Variants in CSMD2 observed in about 807,000 individuals in gnomAD.
CSMD2 encodes the protein CUB and Sushi multiple domains 2, also known as CUB and sushi domain-containing protein 2.
A neutral mutation model predicts 398.5 loss-of-function variants in CSMD2; 130 were observed. The ratio of observed to expected loss-of-function variants is 0.33; its 90% CI spans 0.28 to 0.38. CSMD2 has a LOEUF of 0.38. Among genes scored for constraint, CSMD2 ranks in the 10% least tolerant of loss-of-function variants. The probability of loss-of-function intolerance (pLI) is 1.00; values close to 1 mark genes in which losing one functional copy is unlikely to be tolerated. For missense variants in CSMD2, 3,829 were observed against 4,764.9 expected (o/e 0.80, Z 5.78); for synonymous variants, 1,828 against 1,908.5 (o/e 0.96, Z 1.10).
At chr1:33,742,891 G>C (rs1053155792) in intron 14 of CSMD2, among the ~76,000 whole-genome samples, 1 of 152,198 alleles carries the variant, frequency 6.6e-6, no homozygotes, top group African/African-American at 2.4e-5. Context: ...GGATTTCGGA[G>C]AGCACCTCAG....
Position 34,034,914 on chromosome 1 carries a change from C to T in CSMD2, c.405-2208G>A, listed in dbSNP as rs117433202. Reference sequence around the variant, plus strand: ...AAGTTCTTACAAATCAGTAAGAAAACGGTAAACAGGAGGAAAAGAGCAAAA... The same window carrying T: ...AAGTTCTTACAAATCAGTAAGAAAATGGTAAACAGGAGGAAAAGAGCAAAA... On this transcript the variant is annotated intron_variant, in intron 2 of 70. Transcript: ENST00000373381. 7.4e-4 allele frequency among the ~76,000 whole-genome samples: 113 copies of T among 152,092 alleles called. No homozygotes were observed. In the East Asian group the frequency reaches 0.013, roughly 18 times the overall value.
At chr1:34,122,654 A>C (rs1662313889) in intron 1 of CSMD2, among the ~76,000 whole-genome samples, 1 of 152,108 alleles carries the variant, frequency 6.6e-6, no homozygotes, top group Admixed American at 6.5e-5. Context: ...ATTTTCATAG[A>C]GCCTCCTCCC....
At chr1:33,877,387 G>A (rs543483200) in intron 5 of CSMD2, among the ~76,000 whole-genome samples, 3 of 152,198 alleles carry the variant, frequency 2.0e-5, no homozygotes, top group South Asian at 4.2e-4. Context: ...CCCCCTTGTC[G>A]CACTGGGGGA....
chr1:34,008,857 A>G (rs1647148797), intron 3 of CSMD2, among the ~76,000 whole-genome samples: 1 of 152,170 alleles, frequency 6.6e-6, no homozygotes, highest in African/African-American at 2.4e-5. Context: ...CAGTGGGTGC[A>G]CCATAACTAT....
Position 33,743,455 on chromosome 1 carries a change from C to T in CSMD2, c.1998G>A (p.Glu666=), listed in dbSNP as rs1033301671. ...IHLAFNDIDV[E]PQFDFLVIKD... ...TGATGACCAGGAAATCAAACTGAGG[C>T]TCCACGTCAATGTCGTTGAAGGCCA... Residue 666 remains glutamate (E), a synonymous_variant, in exon 14 of 71, where the codon GAG becomes GAA. Coordinates refer to ENST00000373381, the MANE Select transcript of CSMD2 (RefSeq NM_001281956.2). The T allele has an allele frequency of 2.5e-6, 4 of 1,614,072 alleles. No homozygotes were observed. The highest frequency in any genetic ancestry group is 3.4e-6 in the Non-Finnish European group (4 of 1,180,054).
intron 25 of CSMD2, among the ~76,000 whole-genome samples, chr1:33,689,066 GGGAAAGAAGGA>G (rs971684761): frequency 1.0e-4 from 15 of 146,522 alleles, no homozygotes; most frequent in Admixed American, 2.7e-4. Context: ...GAGAGGGAGT[GGGAAAGAAGGA>G]GGGAAGGAGA....
intron 2 of CSMD2, among the ~76,000 whole-genome samples, chr1:34,040,835 T>G (rs1307686719): frequency 6.6e-6 from 1 of 151,992 alleles, no homozygotes; most frequent in Non-Finnish European, 1.5e-5. Flanking sequence ...TTAAAGAGGG[T>G]ATTATTAGGC....
intron 2 of CSMD2, among the ~76,000 whole-genome samples, chr1:34,063,200 T>G (rs1201521781): frequency 6.6e-6 from 1 of 152,142 alleles, no homozygotes; most frequent in Non-Finnish European, 1.5e-5. Context: ...AACCATATCA[T>G]TCCAACCCTG....
At chr1:33,761,286 G>A (rs1318234467) in intron 13 of CSMD2, among the ~76,000 whole-genome samples, 1 of 152,132 alleles carries the variant, frequency 6.6e-6, no homozygotes, top group Non-Finnish European at 1.5e-5. Flanking sequence ...CTACTCAAAA[G>A]TGCTTCTCTC....
intron 64 of CSMD2, among the ~76,000 whole-genome samples, chr1:33,528,839 C>T (rs1208068926): frequency 6.6e-6 from 1 of 152,134 alleles, no homozygotes; most frequent in Non-Finnish European, 1.5e-5. Context: ...AAATGCAAGA[C>T]TTGTACACTG....
rs369475881 is a variant in CSMD2 at position 34,160,364 on chromosome 1, G to A, written c.187+4547C>T. On this transcript the variant is annotated intron_variant, in intron 1 of 70. Coordinates refer to ENST00000373381, the MANE Select transcript of CSMD2 (RefSeq NM_001281956.2). ...CACACTGGTGACTGAGTAGTGAAAC[G>A]CCTTTCCTTGGCTCAGGGTTGGAGG... is the stretch of plus-strand genomic sequence containing the variant. Among the ~76,000 whole-genome samples, 5 of 152,288 alleles carry A rather than the reference G, an allele frequency of 3.3e-5. No homozygotes were observed. The East Asian group carries it at 7.7e-4, about 24-fold the overall frequency.
At chr1:33,997,829 G>C (rs1646775574) in intron 3 of CSMD2, among the ~76,000 whole-genome samples, 1 of 152,156 alleles carries the variant, frequency 6.6e-6, no homozygotes, top group African/African-American at 2.4e-5. Flanking sequence ...GGGCTCCTTT[G>C]CTTCAGTAAT....
intron 10 of CSMD2, among the ~76,000 whole-genome samples, chr1:33,795,781 G>C (rs1569986353): frequency 6.6e-6 from 1 of 152,240 alleles, no homozygotes; most frequent in Admixed American, 6.5e-5. Context: ...AGGCCTCACT[G>C]CCTCTGTACC....
chr1:33,636,618 G>T lies in CSMD2; in HGVS notation c.4775-64C>A. The T allele has an allele frequency of 7.0e-7, 1 of 1,424,958 alleles. No individual in the cohort carries two copies. Among genetic ancestry groups the T allele is most frequent in the East Asian group, 2.3e-5 (1 of 43,094 alleles). 88.3% of individuals were successfully genotyped at this position (1,424,958 alleles called of 1,614,324 possible). ...GGGCTCATGAGGAGGCTATTCTTGGGCTCCAGTGCCCATGAGGAGAACCCG... is the reference window on the plus strand; with the variant it reads ...GGGCTCATGAGGAGGCTATTCTTGGTCTCCAGTGCCCATGAGGAGAACCCG... On this transcript the variant is annotated intron_variant, in intron 29 of 70. Coordinates refer to ENST00000373381, the MANE Select transcript of CSMD2 (RefSeq NM_001281956.2). The surrounding 1 kb of genome is among the most constrained non-coding windows in gnomAD (Gnocchi z 4.8).
At position 34,032,660 on chromosome 1, in the gene CSMD2, T is replaced by C; in HGVS notation, c.451A>G (p.Thr151Ala). 6.2e-7 allele frequency: 1 copy of C among 1,602,120 alleles called. No homozygotes were observed. The highest frequency in any genetic ancestry group is 8.5e-7 in the Non-Finnish European group (1 of 1,174,504). Residue 151 changes from threonine to alanine, a missense_variant, in exon 3 of 71, where the codon ACC becomes GCC. Transcript: ENST00000373381. ...LPATIVSAATTLSLRLISDYA... is the reference protein window; with the variant it reads ...LPATIVSAATALSLRLISDYA... ...TCGCTGATGAGGCGCAGAGAGAGGG[T>C]GGTGGCTGCACTAACAATGGTGGCT...
At chr1:33,905,297 T>C (rs1160234404) in intron 5 of CSMD2, among the ~76,000 whole-genome samples, 2 of 152,036 alleles carry the variant, frequency 1.3e-5, no homozygotes, top group East Asian at 3.9e-4. Flanking sequence ...GCATAAAGGC[T>C]GGACAGAGAG....
At chr1:34,066,890 C>A (rs894242568) in intron 2 of CSMD2, among the ~76,000 whole-genome samples, 3 of 152,184 alleles carry the variant, frequency 2.0e-5, no homozygotes, top group Admixed American at 6.5e-5. Context: ...GAGAGCGACA[C>A]TCAATCATCA....
At chr1:34,091,164 G>GT (rs1250313698) in intron 1 of CSMD2, among the ~76,000 whole-genome samples, 2 of 152,258 alleles carry the variant, frequency 1.3e-5, no homozygotes, top group Non-Finnish European at 2.9e-5. Context: ...TGTTTCACAA[G>GT]TATCTGTCTT....
intron 33 of CSMD2, among the ~76,000 whole-genome samples, chr1:33,625,899 T>C (rs1642094864): frequency 6.6e-6 from 1 of 152,150 alleles, no homozygotes; most frequent in Non-Finnish European, 1.5e-5. Context: ...AAACTACCTT[T>C]CTGGGCCAAT....
Sources: gnomAD v4.1 joint callset for allele counts (sites outside exome capture counted in the v4.1 genomes callset) on GRCh38, gnomAD v4.1.1 for gene constraint, Gnocchi (gnomAD v3.1) non-coding constraint, MANE v1.5 for transcripts, NCBI Gene and HGNC (gene_info 2026-07-23, HGNC 2026-07-21) for gene names.